The following SOX6 variants were observed in gnomAD, a reference collection of about 807,000 sequenced individuals.
SOX6 encodes the protein transcription factor SOX-6.
SOX6 carries 11 observed loss-of-function variants against 97.8 expected under a neutral mutation model. That is an observed-to-expected ratio of 0.11 (90% CI 0.07 to 0.19). The LOEUF (loss-of-function observed/expected upper bound fraction) is 0.19. SOX6 is among the 10% of genes least tolerant of loss of function. The pLI is 1.00. For missense variants in SOX6, 810 were observed against 1,039.5 expected, an observed-to-expected ratio of 0.78 and a Z score of 3.04; for synonymous variants, 360 against 371.4, an observed-to-expected ratio of 0.97 and a Z score of 0.35.
At chr11:16,210,684 C>A (rs1852196594) in intron 4 of SOX6, among the ~76,000 whole-genome samples, 2 of 152,166 alleles carry the variant, frequency 1.3e-5, no homozygotes, top group South Asian at 4.1e-4. Flanking sequence ...TCCAAACAGC[C>A]TTCTCTCACA....
chr11:16,460,082 T>C (rs1234584881), intron 1 of SOX6, among the ~76,000 whole-genome samples: 2 of 151,928 alleles, frequency 1.3e-5, no homozygotes, highest in Non-Finnish European at 2.9e-5. Flanking sequence ...AAATGGCATA[T>C]TACATATAAA....
chr11:16,296,178 T>G (rs1288464247), intron 3 of SOX6, among the ~76,000 whole-genome samples: 2 of 152,194 alleles, frequency 1.3e-5, no homozygotes, highest in African/African-American at 2.4e-5. Context: ...CCTTAATGTC[T>G]GTTTCATAAT....
At chr11:16,642,551 C>A (rs572747089) in intron 3 of SOX6, among the ~76,000 whole-genome samples, 1 of 152,224 alleles carries the variant, frequency 6.6e-6, no homozygotes, top group Non-Finnish European at 1.5e-5. Context: ...TTCAGGTACA[C>A]CAATCAGACG....
intron 4 of SOX6, among the ~76,000 whole-genome samples, chr11:16,521,745 A>G (rs956875791): frequency 6.6e-6 from 1 of 152,172 alleles, no homozygotes; most frequent in Admixed American, 6.5e-5. Context: ...AATTTAGACG[A>G]ATGTATAACT....
intron 6 of SOX6, among the ~76,000 whole-genome samples, chr11:16,136,699 G>A (rs1164979386): frequency 1.3e-5 from 2 of 152,112 alleles, no homozygotes; most frequent in Non-Finnish European, 2.9e-5. Context: ...GCCTCCTACA[G>A]TGCTGGAATT....
intron 4 of SOX6, among the ~76,000 whole-genome samples, chr11:16,578,261 T>C (rs1290090559): frequency 6.6e-6 from 1 of 152,176 alleles, no homozygotes; most frequent in Non-Finnish European, 1.5e-5. Flanking sequence ...TAACTGGAAA[T>C]TTTGAATTAT....
At chr11:16,334,501 C>T (rs1281073611) in intron 2 of SOX6, among the ~76,000 whole-genome samples, 1 of 151,552 alleles carries the variant, frequency 6.6e-6, no homozygotes, top group Admixed American at 6.6e-5. Flanking sequence ...AATGTCGGCT[C>T]ACTGTAACCT....
intron 3 of SOX6, among the ~76,000 whole-genome samples, chr11:16,245,332 T>C (rs71484706): frequency 0.04 from 6,078 of 151,828 alleles, 159 homozygotes; most frequent in Middle Eastern, 0.071. Flanking sequence ...ATTTGAGATT[T>C]GTTTTATAGT....
chr11:16,691,828 C>CAAA, intron 3 of SOX6, among the ~76,000 whole-genome samples: 1 of 152,164 alleles, frequency 6.6e-6, no homozygotes, highest in East Asian at 1.9e-4. Context: ...CAAAGCAAAA[C>CAAA]ACCATCACTC....
chr11:16,223,489 C>G (rs1239661446), intron 4 of SOX6, among the ~76,000 whole-genome samples: 1 of 152,076 alleles, frequency 6.6e-6, no homozygotes. Context: ...ATCTCTCATT[C>G]CACTATGAGT....
At chr11:16,293,006 G>C (rs1454567880) in intron 3 of SOX6, among the ~76,000 whole-genome samples, 1 of 151,986 alleles carries the variant, frequency 6.6e-6, no homozygotes, top group Non-Finnish European at 1.5e-5. Flanking sequence ...CAAATATTTA[G>C]AGCAAACATA....
chr11:16,160,624 C>T (rs1440037778), intron 6 of SOX6, among the ~76,000 whole-genome samples: 3 of 152,018 alleles, frequency 2.0e-5, no homozygotes, highest in African/African-American at 7.2e-5. Flanking sequence ...AGTCTATAAG[C>T]CTGTCAAAGA....
exon 4 of SOX6, chr11:16,612,109 A>T (rs1289479828): frequency 6.6e-6 from 1 of 152,652 alleles, no homozygotes; most frequent in Non-Finnish European, 1.5e-5. Context: ...GCGGGAGAAA[A>T]GCTGTTTGTG....
intron 4 of SOX6, among the ~76,000 whole-genome samples, chr11:16,573,287 C>A (rs1847954764): frequency 6.6e-6 from 1 of 152,104 alleles, no homozygotes; most frequent in African/African-American, 2.4e-5. Context: ...TTTAAATGTG[C>A]CAATCTCTAT....
chr11:16,318,460 C>T lies in SOX6; in HGVS notation c.431G>A (p.Arg144Gln), dbSNP rs759551935. The stretch of plus-strand genomic sequence containing the variant: ...TCCACACATACCCTCTTGTTCAGTC[C>T]GAGTCATTTCCTCAAGCTTCTTCTG... ...LKQKKLEEMTRTEQEDSSCME... is the reference protein window; with the variant it reads ...LKQKKLEEMTQTEQEDSSCME... Residue 144 changes from arginine to glutamine, a missense_variant, in exon 3 of 16, where the codon CGG becomes CAG. Arg to Gln is a conservative substitution (Grantham distance 43, BLOSUM62 1). Coordinates refer to ENST00000683767, the MANE Select transcript of SOX6 (RefSeq NM_001367873.1). 6.2e-7 allele frequency: 1 copy of T among 1,612,836 alleles called. No homozygotes were observed. Among genetic ancestry groups the T allele is most frequent in the Non-Finnish European group, 8.5e-7 (1 of 1,179,550 alleles).
intron 4 of SOX6, among the ~76,000 whole-genome samples, chr11:16,231,746 G>T (rs1024275767): frequency 2.0e-5 from 3 of 151,630 alleles, no homozygotes; most frequent in Non-Finnish European, 4.4e-5. Flanking sequence ...AAATGTTGAA[G>T]AAAAGGCCCA....
intron 4 of SOX6, among the ~76,000 whole-genome samples, chr11:16,200,885 C>T (rs1030468540): frequency 2.6e-5 from 4 of 151,992 alleles, no homozygotes; most frequent in East Asian, 1.9e-4. Context: ...GCAGGTGGAT[C>T]ACCTGAGATC....
intron 4 of SOX6, among the ~76,000 whole-genome samples, chr11:16,534,707 C>G (rs1265789697): frequency 6.6e-6 from 1 of 152,104 alleles, no homozygotes; most frequent in African/African-American, 2.4e-5. Context: ...CAAGAACAAA[C>G]TGTCCTCCTG....
intron 1 of SOX6, among the ~76,000 whole-genome samples, chr11:16,458,024 A>C (rs999389600): frequency 6.6e-6 from 1 of 152,138 alleles, no homozygotes; most frequent in East Asian, 1.9e-4. Flanking sequence ...ATATCATATA[A>C]TGATGTTATA....
Sources: gnomAD v4.1 joint callset for allele counts (sites outside exome capture counted in the v4.1 genomes callset) on GRCh38, gnomAD v4.1.1 for gene constraint, MANE v1.5 for transcripts, NCBI Gene and HGNC (gene_info 2026-07-23, HGNC 2026-07-21) for gene names.